HSD17B6: variants seen among roughly 807,000 people sequenced by gnomAD.
HSD17B6 encodes the protein 17-beta-hydroxysteroid dehydrogenase type 6.
A neutral mutation model predicts 26.4 loss-of-function variants in HSD17B6; 16 were observed. The observed-to-expected ratio is 0.61, with a 90% CI of 0.41 to 0.92. The LOEUF is 0.92. Among genes scored for constraint, HSD17B6 ranks in the 40% least tolerant of loss-of-function variants. The probability of loss-of-function intolerance (pLI) is 0.00; values close to 1 mark genes in which losing one functional copy is unlikely to be tolerated. For synonymous variants in HSD17B6, 139 were observed against 153.0 expected (o/e 0.91, Z 0.68); for missense variants, 357 against 386.1 (o/e 0.92, Z 0.63).
intron 1 of HSD17B6, among the ~76,000 whole-genome samples, chr12:56,773,443 G>C (rs992140400): frequency 6.6e-6 from 1 of 152,184 alleles, no homozygotes; most frequent in Non-Finnish European, 1.5e-5. Context: ...ATTGTTTATA[G>C]GTCTCAAGAA....
chr12:56,765,852 C>T (rs1954315890), intron 1 of HSD17B6, among the ~76,000 whole-genome samples: 1 of 152,080 alleles, frequency 6.6e-6, no homozygotes, highest in Admixed American at 6.6e-5. Context: ...GGCAGGAAAG[C>T]TCATGCAGAG....
chr12:56,771,204 C>T (rs1954465264), intron 1 of HSD17B6, among the ~76,000 whole-genome samples: 1 of 152,158 alleles, frequency 6.6e-6, no homozygotes, highest in South Asian at 2.1e-4. Context: ...TCCTTCTGTT[C>T]CCCTCTCCTT....
intron 3 of HSD17B6, among the ~76,000 whole-genome samples, chr12:56,784,405 G>A (rs1477867431): frequency 2.0e-5 from 3 of 152,194 alleles, no homozygotes; most frequent in Non-Finnish European, 4.4e-5. Context: ...CTGAGTGAAC[G>A]AGACTCCGTC....
intron 1 of HSD17B6, among the ~76,000 whole-genome samples, chr12:56,765,077 G>T (rs573459649): frequency 1.2e-4 from 18 of 152,088 alleles, no homozygotes; most frequent in African/African-American, 4.1e-4. Context: ...TGCCTGCCTC[G>T]CATCCCAAAG....
intron 2 of HSD17B6, among the ~76,000 whole-genome samples, chr12:56,780,827 C>T (rs958891738): frequency 5.7e-5 from 7 of 122,060 alleles, no homozygotes; most frequent in East Asian, 2.4e-4. Flanking sequence ...CCAGCCTGGG[C>T]GAGACTCCGT....
chr12:56,764,068 C>CAAAAAAA (rs71081400), intron 1 of HSD17B6, among the ~76,000 whole-genome samples: 89 of 74,260 alleles, frequency 1.2e-3, no homozygotes, highest in Non-Finnish European at 1.3e-3. Flanking sequence ...GACCGTGTCT[C>CAAAAAAA]AAAAAAAAAA....
chr12:56,783,386 C>A (rs1240863435), intron 3 of HSD17B6, among the ~76,000 whole-genome samples: 1 of 136,402 alleles, frequency 7.3e-6, no homozygotes, highest in East Asian at 2.4e-4. Flanking sequence ...ACCTCCCTCC[C>A]GGACGGGGCG....
At chr12:56,771,970 G>T (rs183857275) in intron 1 of HSD17B6, among the ~76,000 whole-genome samples, 132 of 152,032 alleles carry the variant, frequency 8.7e-4, no homozygotes, top group African/African-American at 3.1e-3. Flanking sequence ...TTGCTTTCCT[G>T]CCATCATGTG....
Position 56,786,013 on chromosome 12 carries a change from A to C in HSD17B6, c.736+997A>C, listed in dbSNP as rs969229106. ...GTGAAAAATGGGAATGACTTCTAAT[A>C]GGTACAGGGTTTCTTTTTGGGATGA... On this transcript the variant is annotated intron_variant, in intron 4 of 4. Coordinates refer to ENST00000322165, the MANE Select transcript of HSD17B6 (RefSeq NM_003725.4). 1.7e-5 allele frequency: 16 copies of C among 926,964 alleles called. No individual in the cohort carries two copies. In the African/African-American group the frequency reaches 2.9e-4, roughly 17 times the overall value. 57.4% of individuals were successfully genotyped at this position (926,964 alleles called of 1,614,324 possible).
At chr12:56,776,207 T>C (rs1292973304) in intron 2 of HSD17B6, among the ~76,000 whole-genome samples, 1 of 152,118 alleles carries the variant, frequency 6.6e-6, no homozygotes, top group Non-Finnish European at 1.5e-5. Context: ...ATTACAGGCG[T>C]GAGCCATCGC....
Position 56,784,866 on chromosome 12 carries a change from C to T in HSD17B6, c.586C>T (p.His196Tyr), listed in dbSNP as rs778667866. The change falls in exon 4 of 5, where the codon CAT becomes TAT. Residue 196 changes from histidine (H) to tyrosine (Y), a missense_variant. Physicochemically the swap from His to Tyr is moderately conservative, Grantham distance 83. Coordinates refer to ENST00000322165, the MANE Select transcript of HSD17B6 (RefSeq NM_003725.4). Reference protein sequence around the residue: ...FSDILRREIQHFGVKISIVEP... With the variant: ...FSDILRREIQYFGVKISIVEP... Reference sequence around the variant, plus strand: ...GTTTTATTTCAGGCGTGAGATTCAACATTTTGGGGTGAAAATCAGCATAGT... The same window carrying T: ...GTTTTATTTCAGGCGTGAGATTCAATATTTTGGGGTGAAAATCAGCATAGT... 9 of 1,613,390 alleles carry T rather than the reference C, an allele frequency of 5.6e-6. No individual in the cohort carries two copies. The highest frequency in any genetic ancestry group is 7.6e-6 in the Non-Finnish European group (9 of 1,179,812).
chr12:56,787,008 C>T, intron 4 of HSD17B6, 117 bp from the exon 5 acceptor site: 1 of 743,250 alleles, frequency 1.3e-6, no homozygotes. Context: ...TATTGGGATG[C>T]ACATTCTAGA....
chr12:56,785,079 A>G, intron 4 of HSD17B6, 63 bp downstream of exon 4: 3 of 1,461,202 alleles, frequency 2.1e-6, no homozygotes, highest in East Asian at 2.3e-5. Context: ...TCATGCTGCT[A>G]TGAAGAAATA....
intron 4 of HSD17B6, chr12:56,785,828 G>A (rs1954862335): frequency 3.5e-6 from 1 of 287,794 alleles, no homozygotes. Flanking sequence ...TAGGTGGGAA[G>A]AGGTAAGTCA....
intron 3 of HSD17B6, among the ~76,000 whole-genome samples, chr12:56,782,885 C>T (rs1160462271): frequency 6.6e-6 from 1 of 151,986 alleles, no homozygotes; most frequent in Non-Finnish European, 1.5e-5. Context: ...TAACAAAGCA[C>T]ATCTTGCACC....
chr12:56,768,973 G>A (rs1429818144), intron 1 of HSD17B6, among the ~76,000 whole-genome samples: 1 of 151,344 alleles, frequency 6.6e-6, no homozygotes, highest in East Asian at 2.0e-4. Flanking sequence ...TGAGAGGATT[G>A]CAGTAATAGA....
intron 1 of HSD17B6, among the ~76,000 whole-genome samples, chr12:56,773,554 A>G (rs535947471): frequency 2.6e-4 from 39 of 152,326 alleles, no homozygotes; most frequent in African/African-American, 9.4e-4. Flanking sequence ...ATTTGGTAGG[A>G]AGTAGTACCA....
chr12:56,784,484 G>C (rs148100236), intron 3 of HSD17B6, among the ~76,000 whole-genome samples: 1 of 152,172 alleles, frequency 6.6e-6, no homozygotes. Flanking sequence ...AGACCGGCCC[G>C]GCCAACACAG....
At chr12:56,775,311 G>C (rs1028073081) in intron 2 of HSD17B6, among the ~76,000 whole-genome samples, 1 of 152,150 alleles carries the variant, frequency 6.6e-6, no homozygotes, top group African/African-American at 2.4e-5. Flanking sequence ...TTGATCTCCT[G>C]GGCTCAAGCA....
Sources: allele counts gnomAD v4.1 joint callset (sites outside exome capture counted in the v4.1 genomes callset), GRCh38; gene constraint gnomAD v4.1.1; transcripts MANE v1.5; gene names NCBI Gene and HGNC (gene_info 2026-07-23, HGNC 2026-07-21).